The following STEAP1 variants were observed in gnomAD, a reference collection of about 807,000 sequenced individuals.
STEAP1 encodes the protein STEAP1 protein.
Under a neutral mutation model 34.4 loss-of-function variants are expected in STEAP1, and 30 were observed. The ratio of observed to expected loss-of-function variants is 0.87; its 90% CI spans 0.65 to 1.18. STEAP1 has a LOEUF of 1.18. Ranked by LOEUF, STEAP1 falls within the 50% of genes most tolerant of loss-of-function variation. The pLI, the probability that STEAP1 is intolerant of heterozygous loss-of-function variation, is 0.00. For synonymous variants in STEAP1, 116 were observed against 135.3 expected (o/e 0.86, Z 0.99); for missense variants, 318 against 391.1 (o/e 0.81, Z 1.58).
At chr7:90,160,438 C>G (rs1171370587) in intron 2 of STEAP1, among the ~76,000 whole-genome samples, 10 of 150,972 alleles carry the variant, frequency 6.6e-5, no homozygotes, top group African/African-American at 2.4e-4. Context: ...TTCCAAACTT[C>G]CAAATTATCT....
intron 4 of STEAP1, among the ~76,000 whole-genome samples, chr7:90,164,106 C>A (rs1344522417): frequency 6.6e-6 from 1 of 151,964 alleles, no homozygotes; most frequent in Non-Finnish European, 1.5e-5. Context: ...AGACTCAGTC[C>A]CTGATTTTAG....
chr7:90,164,536 G>A lies in STEAP1; in HGVS notation c.822G>A (p.Trp274Ter). The change falls in exon 5 of 5, where the codon TGG becomes TGA. Residue 274 changes from tryptophan to a stop codon, truncating the protein, a stop_gained. Transcript: ENST00000297205. LOFTEE classifies it high-confidence loss of function. ...CAATACACGCATTGATTTTTGCCTG[G>A]AATAAGTGGATAGATATAAAACAAT... ...LGTIHALIFAWNKWIDIKQFV... is the reference protein window; with the variant it reads ...LGTIHALIFA 6.2e-7 allele frequency: 1 copy of A among 1,613,290 alleles called. No homozygotes were observed. Among genetic ancestry groups the A allele is most frequent in the Non-Finnish European group, 8.5e-7 (1 of 1,179,596 alleles).
At chr7:90,160,755 A>G (rs1794170790) in intron 2 of STEAP1, 50 bp from the exon 3 acceptor site, 1 of 1,568,324 alleles carries the variant, frequency 6.4e-7, no homozygotes, top group African/African-American at 1.4e-5. Flanking sequence ...TTCAAGAGAT[A>G]TCCCATTGTT....
Position 90,161,070 on chromosome 7 carries a change from T to C in STEAP1, c.350T>C (p.Val117Ala). The change falls in exon 3 of 5, where the codon GTC becomes GCC. Residue 117 changes from valine to alanine, a missense_variant. Physicochemically the swap from Val to Ala is moderately conservative, Grantham distance 64. Transcript: ENST00000297205. ...YKIPILVINKVLPMVSITLLA... is the reference protein window; with the variant it reads ...YKIPILVINKALPMVSITLLA... ...ATTCCAATCCTGGTCATCAACAAAG[T>C]CTTGCCAATGGTTTCCATCACTCTC... 1 of 1,614,002 alleles carries C rather than the reference T, an allele frequency of 6.2e-7. No individual in the cohort carries two copies. The highest frequency in any genetic ancestry group is 8.5e-7 in the Non-Finnish European group (1 of 1,179,868).
chr7:90,154,833 T>C (rs1440200797), intron 1 of STEAP1, among the ~76,000 whole-genome samples: 6 of 152,202 alleles, frequency 3.9e-5, no homozygotes, highest in Non-Finnish European at 8.8e-5. Flanking sequence ...TGTGGTAGAT[T>C]ATTAAGTTTG....
intron 1 of STEAP1, among the ~76,000 whole-genome samples, chr7:90,158,031 C>T (rs1794136218): frequency 6.6e-6 from 1 of 152,146 alleles, no homozygotes; most frequent in South Asian, 2.1e-4. Context: ...GCAGTTGAAA[C>T]ACAATAGTAA....
chr7:90,163,332 G>A (rs1355428676), intron 4 of STEAP1, among the ~76,000 whole-genome samples: 1 of 152,122 alleles, frequency 6.6e-6, no homozygotes, highest in African/African-American at 2.4e-5. Context: ...ACATTGCTCT[G>A]CCTGTTACAC....
intron 4 of STEAP1, among the ~76,000 whole-genome samples, chr7:90,162,746 C>T (rs992352551): frequency 8.5e-5 from 13 of 152,086 alleles, no homozygotes; most frequent in African/African-American, 3.1e-4. Context: ...TTACCTGTCA[C>T]CTGAATTTAG....
chr7:90,156,451 C>T (rs1170307655), intron 1 of STEAP1, among the ~76,000 whole-genome samples: 1 of 152,200 alleles, frequency 6.6e-6, no homozygotes, highest in Non-Finnish European at 1.5e-5. Context: ...GTACCCAACC[C>T]CGTGGCCGCA....
intron 1 of STEAP1, among the ~76,000 whole-genome samples, chr7:90,157,679 T>C (rs1391109958): frequency 6.6e-6 from 1 of 152,228 alleles, no homozygotes; most frequent in African/African-American, 2.4e-5. Flanking sequence ...GATATCTTCA[T>C]CATGAATGTT....
rs1276554825 is a variant in STEAP1, at chr7:90,162,012, G to A, written c.696G>A (p.Leu232=). The change falls in exon 4 of 5, where the codon CTG becomes CTA. Residue 232 remains leucine (L), a synonymous_variant. Transcript: ENST00000297205. The part of the protein sequence containing the change: ...LGIVGLAILA[L]LAVTSIPSVS... ...TTGTGGGATTGGCAATACTGGCTCTGTTGGCTGTGACATCTATTCCATCTG... is the reference window on the plus strand; with the variant it reads ...TTGTGGGATTGGCAATACTGGCTCTATTGGCTGTGACATCTATTCCATCTG... 5.0e-6 allele frequency: 8 copies of A among 1,613,804 alleles called. No homozygotes were observed. The East Asian group carries it at 1.8e-4, about 36-fold the overall frequency.
chr7:90,162,221 C>A, intron 4 of STEAP1, 143 bp downstream of exon 4: 1 of 1,278,952 alleles, frequency 7.8e-7, no homozygotes, highest in Non-Finnish European at 1.0e-6. Context: ...ATAATGTGCT[C>A]TCCTGTTGTT....
intron 1 of STEAP1, among the ~76,000 whole-genome samples, chr7:90,155,662 C>T (rs1236876015): frequency 7.2e-5 from 11 of 152,140 alleles, no homozygotes; most frequent in Non-Finnish European, 1.5e-4. Context: ...ATTTATTTGA[C>T]TCATAGTTTA....
chr7:90,158,665 G>C (rs1181379353), intron 1 of STEAP1, among the ~76,000 whole-genome samples: 2 of 152,078 alleles, frequency 1.3e-5, no homozygotes, highest in Non-Finnish European at 2.9e-5. Flanking sequence ...CCTGCCTAGG[G>C]CTGTTTACAG....
intron 4 of STEAP1, among the ~76,000 whole-genome samples, chr7:90,162,581 G>T (rs1378338057): frequency 1.3e-5 from 2 of 151,902 alleles, no homozygotes; most frequent in Admixed American, 1.3e-4. Flanking sequence ...CGCCCACCTC[G>T]GCCTCCCAAA....
chr7:90,162,592 G>A lies in STEAP1; in HGVS notation c.762+514G>A, dbSNP rs779219016. ...GATCCGCCCACCTCGGCCTCCCAAA[G>A]TGCTGGGATGACAGTTGTGAGCCAC... On this transcript the variant is annotated intron_variant, in intron 4 of 4. Transcript: ENST00000297205. Among the ~76,000 whole-genome samples, 8 of 152,076 alleles carry A rather than the reference G, an allele frequency of 5.3e-5. No homozygotes were observed. In the South Asian group the frequency reaches 6.2e-4, roughly 12 times the overall value.
At chr7:90,159,977 A>T in intron 2 of STEAP1, 105 bp downstream of exon 2, 1 of 756,824 alleles carries the variant, frequency 1.3e-6, no homozygotes, top group Non-Finnish European at 1.9e-6. Context: ...TTTTCACCCT[A>T]GTCTGCTGAT....
intron 1 of STEAP1, among the ~76,000 whole-genome samples, chr7:90,156,673 G>A (rs1282336235): frequency 1.3e-5 from 2 of 152,196 alleles, no homozygotes; most frequent in Admixed American, 1.3e-4. Flanking sequence ...CTGATGATCT[G>A]AGGTGGAACA....
In STEAP1 at chr7:90,160,986, C is replaced by T. The variant is rs776059791; in HGVS notation, c.266C>T (p.Thr89Ile). 9 of 1,613,894 alleles carry T rather than the reference C, an allele frequency of 5.6e-6. No homozygotes were observed. Among genetic ancestry groups the T allele is most frequent in the Middle Eastern group, 1.6e-4 (1 of 6,078 alleles). The change falls in exon 3 of 5, where the codon ACT becomes ATT. Residue 89 changes from threonine to isoleucine, a missense_variant. Physicochemically the swap from Thr to Ile is moderately conservative, Grantham distance 89. Coordinates refer to ENST00000297205, the MANE Select transcript of STEAP1 (RefSeq NM_012449.3). Reference protein sequence around the residue: ...AIIASLTFLYTLLREVIHPLA... With the variant: ...AIIASLTFLYILLREVIHPLA... The stretch of plus-strand genomic sequence containing the variant: ...ATAGCATCTCTGACTTTTCTTTACA[C>T]TCTTCTGAGGGAAGTAATTCACCCT...
Sources: allele counts gnomAD v4.1 joint callset (sites outside exome capture counted in the v4.1 genomes callset), GRCh38; gene constraint gnomAD v4.1.1; transcripts MANE v1.5; gene names NCBI Gene and HGNC (gene_info 2026-07-23, HGNC 2026-07-21).